The following STPG2 variants were observed in gnomAD, a reference collection of about 807,000 sequenced individuals.
STPG2 encodes sperm tail PG-rich repeat containing 2, also known as sperm-tail PG-rich repeat-containing protein 2.
In STPG2, 56 loss-of-function variants were observed where a neutral mutation model predicts 54.2. The ratio of observed to expected loss-of-function variants is 1.03; its 90% CI spans 0.83 to 1.29. The LOEUF (loss-of-function observed/expected upper bound fraction) is 1.29. Among genes scored for constraint, STPG2 ranks in the 50% most tolerant of loss-of-function variants. STPG2 has a pLI of 0.00. For missense variants in STPG2, 596 were observed against 544.9 expected (o/e 1.09, Z -0.93); for synonymous variants, 200 against 181.8 (o/e 1.10, Z -0.81).
At chr4:97,693,578 A>G (rs911941498) in intron 10 of STPG2, among the ~76,000 whole-genome samples, 8 of 152,146 alleles carry the variant, frequency 5.3e-5, no homozygotes, top group African/African-American at 7.2e-5. Context: ...GCAATACAAT[A>G]ATACTGGGGG....
intron 8 of STPG2, among the ~76,000 whole-genome samples, chr4:97,874,574 G>C (rs1730107275): frequency 6.6e-6 from 1 of 151,620 alleles, no homozygotes; most frequent in East Asian, 1.9e-4. Context: ...CTATATATAA[G>C]TTTGCATTTT....
At chr4:97,807,109 G>A (rs1727590525) in intron 9 of STPG2, among the ~76,000 whole-genome samples, 3 of 150,828 alleles carry the variant, frequency 2.0e-5, no homozygotes, top group African/African-American at 7.3e-5. Flanking sequence ...AAATGATATT[G>A]TACTTTATTT....
intron 8 of STPG2, among the ~76,000 whole-genome samples, chr4:97,873,329 CAGAG>C (rs1472006176): frequency 6.6e-6 from 1 of 151,188 alleles, no homozygotes; most frequent in African/African-American, 2.4e-5. Flanking sequence ...TCCTAGATCA[CAGAG>C]AAAGTAGCTT....
At chr4:97,691,196 G>A (rs1723351255) in intron 10 of STPG2, among the ~76,000 whole-genome samples, 1 of 152,082 alleles carries the variant, frequency 6.6e-6, no homozygotes, top group South Asian at 2.1e-4. Context: ...GCCACTGCAG[G>A]CTCCATGGGA....
intron 3 of STPG2, among the ~76,000 whole-genome samples, chr4:98,114,759 T>TGTGTG (rs201052855): frequency 4.9e-4 from 33 of 67,570 alleles, no homozygotes; most frequent in African/African-American, 1.1e-3. Flanking sequence ...ATCCATTTTT[T>TGTGTG]TTTTTTTGTG....
chr4:98,142,999 T>C (rs984659906), intron 1 of STPG2, 43 bp downstream of exon 1: 25 of 1,535,462 alleles, frequency 1.6e-5, no homozygotes, highest in East Asian at 6.9e-5. Context: ...AGGCTGAAGA[T>C]AGGATGCCTG....
At chr4:97,883,818 A>G (rs1730466290) in intron 8 of STPG2, among the ~76,000 whole-genome samples, 1 of 152,222 alleles carries the variant, frequency 6.6e-6, no homozygotes, top group Non-Finnish European at 1.5e-5. Flanking sequence ...AGAGAGAAAG[A>G]AGGCTTCTCG....
At chr4:97,804,706 C>T (rs1727499975) in intron 9 of STPG2, among the ~76,000 whole-genome samples, 1 of 152,280 alleles carries the variant, frequency 6.6e-6, no homozygotes, top group Admixed American at 6.5e-5. Flanking sequence ...CATGCACTCA[C>T]TCACTCATCC....
At chr4:97,639,783 C>A (rs1161414734) in intron 10 of STPG2, among the ~76,000 whole-genome samples, 1 of 151,784 alleles carries the variant, frequency 6.6e-6, no homozygotes, top group Admixed American at 6.6e-5. Context: ...AAATCCCTAT[C>A]AATTATTGGT....
intron 6 of STPG2, among the ~76,000 whole-genome samples, chr4:97,973,144 T>C (rs1308590295): frequency 6.6e-6 from 1 of 152,174 alleles, no homozygotes; most frequent in Admixed American, 6.5e-5. Flanking sequence ...TCTTAGAGAC[T>C]TGTTGAATGG....
intron 9 of STPG2, among the ~76,000 whole-genome samples, chr4:97,798,142 T>C (rs780947137): frequency 6.6e-6 from 1 of 152,224 alleles, no homozygotes; most frequent in African/African-American, 2.4e-5. Context: ...AGCTCCTGGA[T>C]TCATCGATTT....
chr4:97,622,875 A>G (rs1266863161), intron 10 of STPG2, among the ~76,000 whole-genome samples: 1 of 152,196 alleles, frequency 6.6e-6, no homozygotes, highest in Non-Finnish European at 1.5e-5. Context: ...ACTACAATAC[A>G]AGCCTATAGT....
chr4:97,494,735 T>A (rs1005997562), intron 4 of STPG2, among the ~76,000 whole-genome samples: 1 of 151,460 alleles, frequency 6.6e-6, no homozygotes, highest in Non-Finnish European at 1.5e-5. Context: ...GATTTTTTTT[T>A]TGTGGGACAT....
intron 8 of STPG2, among the ~76,000 whole-genome samples, chr4:97,884,023 C>T (rs568752389): frequency 2.0e-5 from 3 of 152,072 alleles, no homozygotes; most frequent in Non-Finnish European, 4.4e-5. Flanking sequence ...GAGAAGTGCT[C>T]TGCACACTCA....
chr4:97,739,402 T>G (rs1422684157), intron 9 of STPG2, among the ~76,000 whole-genome samples: 1 of 151,998 alleles, frequency 6.6e-6, no homozygotes, highest in East Asian at 1.9e-4. Flanking sequence ...AAAAAACCCT[T>G]CAAAAAATTA....
intron 9 of STPG2, among the ~76,000 whole-genome samples, chr4:97,803,585 G>T (rs1183004518): frequency 6.6e-6 from 1 of 152,098 alleles, no homozygotes; most frequent in South Asian, 2.1e-4. Context: ...TGTCACCCAG[G>T]TTGAAGTGTT....
intron 4 of STPG2, among the ~76,000 whole-genome samples, chr4:97,511,317 T>C (rs1730967183): frequency 6.6e-6 from 1 of 151,974 alleles, no homozygotes; most frequent in Admixed American, 6.6e-5. Context: ...GTTATGTTAA[T>C]ATCTGATTAA....
rs572575890 is a variant in STPG2, at chr4:97,843,989, A to G, written c.1045-3057T>C. On this transcript the variant is annotated intron_variant, in intron 8 of 10. Coordinates refer to ENST00000295268, the MANE Select transcript of STPG2 (RefSeq NM_174952.3). ...TTTCCAACTGAATGAAATTGGAAAAACTGTGAATTTGTATGAAATCGTGAG... is the reference window on the plus strand; with the variant it reads ...TTTCCAACTGAATGAAATTGGAAAAGCTGTGAATTTGTATGAAATCGTGAG... Among the ~76,000 whole-genome samples, 4 of 151,870 alleles carry G rather than the reference A, an allele frequency of 2.6e-5. No homozygotes were observed. In the South Asian group the frequency reaches 8.3e-4, roughly 31 times the overall value.
intron 4 of STPG2, among the ~76,000 whole-genome samples, chr4:97,551,466 G>A (rs1271812891): frequency 2.0e-5 from 3 of 152,158 alleles, no homozygotes; most frequent in Non-Finnish European, 4.4e-5. Flanking sequence ...AGGGCTTTCA[G>A]TTTACTCAGA....
Sources: allele counts gnomAD v4.1 joint callset (sites outside exome capture counted in the v4.1 genomes callset), GRCh38; gene constraint gnomAD v4.1.1; transcripts MANE v1.5; gene names NCBI Gene and HGNC (gene_info 2026-07-23, HGNC 2026-07-21).